Variants in SOX5 observed in about 807,000 individuals in gnomAD.
SOX5 encodes SRY-box transcription factor 5.
SOX5 carries 9 observed loss-of-function variants against 92.0 expected under a neutral mutation model. The ratio of observed to expected loss-of-function variants is 0.10; its 90% CI spans 0.06 to 0.17. The LOEUF is 0.17. Among genes scored for constraint, SOX5 ranks in the 10% least tolerant of loss-of-function variants. The pLI, the probability that SOX5 is intolerant of heterozygous loss-of-function variation, is 1.00. For missense variants in SOX5, 642 were observed against 944.5 expected (o/e 0.68, Z 4.20); for synonymous variants, 344 against 336.3 (o/e 1.02, Z -0.25).
intron 2 of SOX5, among the ~76,000 whole-genome samples, chr12:23,864,196 T>C (rs940857767): frequency 2.0e-5 from 3 of 152,140 alleles, no homozygotes; most frequent in Non-Finnish European, 4.4e-5. Context: ...ACCGCACCCA[T>C]ATAAGATGGT....
intron 1 of SOX5, among the ~76,000 whole-genome samples, chr12:24,408,281 A>T (rs1390646823): frequency 6.6e-6 from 1 of 152,236 alleles, no homozygotes; most frequent in Non-Finnish European, 1.5e-5. Context: ...TTCAGATTTT[A>T]ATCTAGAAGA....
chr12:24,382,151 G>T (rs372190401), intron 1 of SOX5, among the ~76,000 whole-genome samples: 21 of 152,326 alleles, frequency 1.4e-4, no homozygotes, highest in East Asian at 1.9e-4. Flanking sequence ...CACACATTAA[G>T]TTAGGGAAGT....
At chr12:24,255,931 A>G (rs183992601) in intron 3 of SOX5, among the ~76,000 whole-genome samples, 9 of 152,342 alleles carry the variant, frequency 5.9e-5, no homozygotes, top group South Asian at 4.1e-4. Context: ...AGGCTCAATT[A>G]ATAGCAAATA....
At chr12:24,197,510 T>G (rs760726938) in intron 4 of SOX5, among the ~76,000 whole-genome samples, 8 of 152,142 alleles carry the variant, frequency 5.3e-5, no homozygotes, top group Non-Finnish European at 1.0e-4. Context: ...CAATACCCCT[T>G]CCCTGGCTCC....
intron 3 of SOX5, among the ~76,000 whole-genome samples, chr12:23,845,185 A>G (rs548431274): frequency 3.9e-4 from 59 of 152,292 alleles, no homozygotes; most frequent in African/African-American, 1.4e-3. Context: ...TCTGCACATC[A>G]TTGTTTATTT....
At position 24,176,986 on chromosome 12, in the gene SOX5, T is replaced by G. The variant is rs867746587; in HGVS notation, c.-2+36357A>C. 2.5e-3 allele frequency among the ~76,000 whole-genome samples: 379 copies of G among 151,584 alleles called. 4 individuals are homozygous for G. The highest frequency in any genetic ancestry group is 0.022 in the South Asian group (107 of 4,810). On this transcript the variant is annotated intron_variant, in intron 4 of 4. Transcript: ENST00000446891. ...TCAAGTTTTGTTTTTTGTTTTTTTT[T>G]TTTTTTTTTGTCATCAATTTAGTTT...
upstream of SOX5, among the ~76,000 whole-genome samples, chr12:23,952,685 T>C (rs1377912059): frequency 2.0e-5 from 3 of 152,154 alleles, no homozygotes. Flanking sequence ...GACAGAAAAT[T>C]TGCCAAATAA....
At position 23,531,694 on chromosome 12, in the gene SOX5, C is replaced by G. The variant is rs1452079824; in HGVS notation, c.*2525G>C. ...CCAGAGTGCTTAAAAACAAAACAAACAAAAACAAAAAAAAATTGGCTCTAG... is the reference window on the plus strand; with the variant it reads ...CCAGAGTGCTTAAAAACAAAACAAAGAAAAACAAAAAAAAATTGGCTCTAG... On this transcript the variant is annotated 3_prime_UTR_variant, in exon 15 of 15. Transcript: ENST00000451604. 1 of 150,982 alleles carries G rather than the reference C, an allele frequency of 6.6e-6. No individual in the cohort carries two copies. Among genetic ancestry groups the G allele is most frequent in the African/African-American group, 2.4e-5 (1 of 41,148 alleles). 9.4% of individuals were successfully genotyped at this position (150,982 alleles called of 1,614,324 possible). A position where few individuals can be genotyped will look rare whatever the true frequency, so the allele number is the denominator to read the frequency against.
Position 23,764,540 on chromosome 12 carries a change from C to T in SOX5, c.482-8816G>A, listed in dbSNP as rs183929338. On this transcript the variant is annotated intron_variant, in intron 3 of 14. Coordinates refer to ENST00000451604, the MANE Select transcript of SOX5 (RefSeq NM_006940.6). Reference sequence around the variant, plus strand: ...CGTAGTTCTGAGCAACTTATATATGCCTACTGATATATTTAAGAAAAAACT... The same window carrying T: ...CGTAGTTCTGAGCAACTTATATATGTCTACTGATATATTTAAGAAAAAACT... 2.6e-3 allele frequency among the ~76,000 whole-genome samples: 390 copies of T among 152,048 alleles called. 5 individuals carry two copies. Among genetic ancestry groups the T allele is most frequent in the Non-Finnish European group, 4.7e-3 (317 of 67,914 alleles).
At chr12:23,778,740 T>C (rs956980667) in intron 3 of SOX5, among the ~76,000 whole-genome samples, 1 of 152,142 alleles carries the variant, frequency 6.6e-6, no homozygotes, top group African/African-American at 2.4e-5. Context: ...CCCTTTTACC[T>C]AGAGCTCTGG....
intron 11 of SOX5, among the ~76,000 whole-genome samples, chr12:23,557,884 A>G (rs919959887): frequency 5.3e-5 from 8 of 150,106 alleles, no homozygotes; most frequent in African/African-American, 1.7e-4. Flanking sequence ...GGTGAGGCAG[A>G]GGAATCGCTT....
chr12:24,546,452 C>A (rs1952632082), intron 1 of SOX5, among the ~76,000 whole-genome samples: 1 of 152,202 alleles, frequency 6.6e-6, no homozygotes, highest in African/African-American at 2.4e-5. Flanking sequence ...TCCTGCCCAC[C>A]ACACAGCCTC....
intron 1 of SOX5, among the ~76,000 whole-genome samples, chr12:24,418,645 T>C (rs561620064): frequency 1.3e-5 from 2 of 152,168 alleles, no homozygotes; most frequent in African/African-American, 4.8e-5. Flanking sequence ...GCTGAAACCA[T>C]TGGAAAAGGC....
At chr12:23,758,099 G>A (rs900932095) in intron 3 of SOX5, among the ~76,000 whole-genome samples, 3 of 150,724 alleles carry the variant, frequency 2.0e-5, no homozygotes, top group African/African-American at 4.9e-5. Flanking sequence ...CTAAATCACG[G>A]TTGTCATGTC....
chr12:23,664,322 C>CATATATATATATATATATATATATATAT (rs34331621), intron 7 of SOX5, among the ~76,000 whole-genome samples: 2 of 149,992 alleles, frequency 1.3e-5, no homozygotes, highest in African/African-American at 4.9e-5. Context: ...AATTCATTAA[C>CATATATATATATATATATATATATATAT]ATATATATAT....
intron 8 of SOX5, among the ~76,000 whole-genome samples, chr12:23,619,465 G>T (rs551603028): frequency 6.6e-6 from 1 of 152,232 alleles, no homozygotes; most frequent in African/African-American, 2.4e-5. Context: ...AGATCAAGCT[G>T]AAGTTGGAAT....
At chr12:23,642,141 G>C (rs955909927) in intron 7 of SOX5, among the ~76,000 whole-genome samples, 2 of 152,032 alleles carry the variant, frequency 1.3e-5, no homozygotes, top group Non-Finnish European at 2.9e-5. Context: ...TGTTATAAAT[G>C]AATATTCACT....
chr12:24,142,654 A>T (rs1349814985), intron 4 of SOX5, among the ~76,000 whole-genome samples: 1 of 152,016 alleles, frequency 6.6e-6, no homozygotes, highest in Admixed American at 6.6e-5. Flanking sequence ...ATTGAACATC[A>T]GGCAACAGAG....
chr12:23,897,676 C>T (rs1367440993), intron 1 of SOX5, among the ~76,000 whole-genome samples: 1 of 152,106 alleles, frequency 6.6e-6, no homozygotes, highest in East Asian at 1.9e-4. Flanking sequence ...TAAAGGGTTT[C>T]ACTATACAAT....
Sources: allele counts gnomAD v4.1 joint callset (sites outside exome capture counted in the v4.1 genomes callset), GRCh38; gene constraint gnomAD v4.1.1; transcripts MANE v1.5; gene names NCBI Gene and HGNC (gene_info 2026-07-23, HGNC 2026-07-21).